The following PPP2R5E variants were observed in gnomAD, a reference collection of about 807,000 sequenced individuals.
PPP2R5E encodes the protein protein phosphatase 2 regulatory subunit B'epsilon, also known as serine/threonine-protein phosphatase 2A 56 kDa regulatory subunit epsilon isoform.
In PPP2R5E, 4 loss-of-function variants were observed where a neutral mutation model predicts 65.3. The ratio of observed to expected loss-of-function variants is 0.06; its 90% CI spans 0.03 to 0.14. The LOEUF (loss-of-function observed/expected upper bound fraction) is 0.14. Ranked by LOEUF, PPP2R5E falls within the 10% of genes least tolerant of loss-of-function variation. PPP2R5E has a pLI of 1.00. For synonymous variants in PPP2R5E, 183 were observed against 187.4 expected (o/e 0.98, Z 0.19); for missense variants, 274 against 556.1 (o/e 0.49, Z 5.10).
chr14:63,404,620 A>G (rs1885963359), intron 5 of PPP2R5E, among the ~76,000 whole-genome samples: 1 of 152,202 alleles, frequency 6.6e-6, no homozygotes, highest in Non-Finnish European at 1.5e-5. Context: ...TTGCGATCAC[A>G]AGCTTCTGGC....
At chr14:63,491,491 T>TA (rs772519359) in intron 2 of PPP2R5E, among the ~76,000 whole-genome samples, 22 of 152,270 alleles carry the variant, frequency 1.4e-4, no homozygotes, top group Non-Finnish European at 2.8e-4. Flanking sequence ...CTCATTTTTA[T>TA]ATTGGTTACA....
intron 7 of PPP2R5E, among the ~76,000 whole-genome samples, chr14:63,394,490 G>A (rs1398031543): frequency 6.6e-6 from 1 of 152,218 alleles, no homozygotes; most frequent in Non-Finnish European, 1.5e-5. Context: ...CCTAAAATTA[G>A]TCAGATGGTT....
chr14:63,433,036 T>G (rs61083346), intron 3 of PPP2R5E, among the ~76,000 whole-genome samples: 9,599 of 129,990 alleles, frequency 0.074, 422 homozygotes, highest in East Asian at 0.2. Flanking sequence ...TGTTTTGTTT[T>G]TTTTTTTTTT....
chr14:63,405,807 A>C (rs1018737353), intron 5 of PPP2R5E, among the ~76,000 whole-genome samples: 6 of 152,178 alleles, frequency 3.9e-5, no homozygotes, highest in African/African-American at 1.4e-4. Flanking sequence ...GAATAGACAA[A>C]ATTGTTCCAT....
intron 5 of PPP2R5E, among the ~76,000 whole-genome samples, chr14:63,407,067 T>G (rs1431699292): frequency 1.3e-5 from 2 of 152,242 alleles, no homozygotes; most frequent in Non-Finnish European, 2.9e-5. Flanking sequence ...GTGTTGGGAA[T>G]ACTTCTGAGA....
intron 3 of PPP2R5E, among the ~76,000 whole-genome samples, chr14:63,446,596 G>A (rs1052022870): frequency 6.6e-5 from 10 of 152,048 alleles, no homozygotes; most frequent in African/African-American, 9.7e-5. Flanking sequence ...TTGGGAGGCC[G>A]AGGCGGGTGG....
At chr14:63,430,381 A>ACATACATACATACATGCATGCATGCATG (rs1566696520) in intron 3 of PPP2R5E, among the ~76,000 whole-genome samples, 4 of 132,970 alleles carry the variant, frequency 3.0e-5, no homozygotes, top group African/African-American at 1.4e-4. Flanking sequence ...ATGCATGCAT[A>ACATACATACATACATGCATGCATGCATG]CATACATACA....
At chr14:63,460,220 A>G (rs1452533644) in intron 2 of PPP2R5E, among the ~76,000 whole-genome samples, 1 of 152,204 alleles carries the variant, frequency 6.6e-6, no homozygotes, top group Non-Finnish European at 1.5e-5. Context: ...TCCTCAGAAT[A>G]TCTTAGGTGT....
intron 2 of PPP2R5E, among the ~76,000 whole-genome samples, chr14:63,528,261 AGAG>A (rs1448512967): frequency 6.6e-6 from 1 of 152,228 alleles, no homozygotes; most frequent in East Asian, 1.9e-4. Flanking sequence ...TTTACAAATC[AGAG>A]AACATTTGCC....
chr14:63,495,908 C>G (rs1264170938), intron 2 of PPP2R5E, among the ~76,000 whole-genome samples: 1 of 151,932 alleles, frequency 6.6e-6, no homozygotes, highest in Non-Finnish European at 1.5e-5. Flanking sequence ...CCGAGCTGGT[C>G]CCAACTCCTG....
chr14:63,440,394 TGAA>T (rs1358625727), intron 3 of PPP2R5E, among the ~76,000 whole-genome samples: 3 of 143,054 alleles, frequency 2.1e-5, no homozygotes, highest in African/African-American at 7.9e-5. Context: ...AGAGAGGGAG[TGAA>T]GAAGAAACTG....
At chr14:63,436,367 T>C (rs1413693497) in intron 3 of PPP2R5E, among the ~76,000 whole-genome samples, 1 of 152,246 alleles carries the variant, frequency 6.6e-6, no homozygotes, top group Non-Finnish European at 1.5e-5. Flanking sequence ...TTCTGACTAC[T>C]AGGTATGTGT....
intron 3 of PPP2R5E, among the ~76,000 whole-genome samples, chr14:63,424,436 T>C (rs1887215359): frequency 6.6e-6 from 1 of 151,712 alleles, no homozygotes; most frequent in South Asian, 2.1e-4. Context: ...GGGATCACCT[T>C]GGAAAGGAGT....
At chr14:63,407,539 CAT>C (rs1166460051) in intron 5 of PPP2R5E, among the ~76,000 whole-genome samples, 1 of 138,066 alleles carries the variant, frequency 7.2e-6, no homozygotes, top group East Asian at 2.1e-4. Context: ...TTGATTACAA[CAT>C]ATATGCTTAT....
intron 2 of PPP2R5E, among the ~76,000 whole-genome samples, chr14:63,533,020 A>G (rs892686136): frequency 1.3e-5 from 2 of 151,772 alleles, no homozygotes; most frequent in Non-Finnish European, 2.9e-5. Flanking sequence ...ATTTTTTTTT[A>G]GAGACAGGCC....
chr14:63,523,269 G>C (rs1247119442), intron 2 of PPP2R5E, among the ~76,000 whole-genome samples: 1 of 152,178 alleles, frequency 6.6e-6, no homozygotes, highest in Non-Finnish European at 1.5e-5. Flanking sequence ...AGTAGAAAGT[G>C]GTGAGAGGTG....
chr14:63,519,554 G>A (rs1433407912), intron 2 of PPP2R5E, among the ~76,000 whole-genome samples: 4 of 139,406 alleles, frequency 2.9e-5, no homozygotes, highest in Admixed American at 7.5e-5. Flanking sequence ...GGGTTTCACC[G>A]TGTTGGCCAG....
intron 8 of PPP2R5E, 70 bp from the exon 9 acceptor site, chr14:63,392,095 T>G (rs1885056388): frequency 3.4e-6 from 4 of 1,177,464 alleles, no homozygotes; most frequent in Non-Finnish European, 4.7e-6. Context: ...GATACACTAT[T>G]AAAACTTCCT....
At chr14:63,477,780 T>C (rs1890480503) in intron 2 of PPP2R5E, among the ~76,000 whole-genome samples, 1 of 151,938 alleles carries the variant, frequency 6.6e-6, no homozygotes, top group Non-Finnish European at 1.5e-5. Flanking sequence ...TGAAGTGCTA[T>C]CACTTCAGCA....
Sources: gnomAD v4.1 joint callset for allele counts (sites outside exome capture counted in the v4.1 genomes callset) on GRCh38, gnomAD v4.1.1 for gene constraint, MANE v1.5 for transcripts, NCBI Gene and HGNC (gene_info 2026-07-23, HGNC 2026-07-21) for gene names.